The following CHD1 variants were observed in gnomAD, a reference collection of about 807,000 sequenced individuals.
The protein encoded by CHD1 is ATP-dependent chromatin remodeler CHD1.
Under a neutral mutation model 224.2 loss-of-function variants are expected in CHD1, and 36 were observed. The ratio of observed to expected loss-of-function variants is 0.16; its 90% CI spans 0.12 to 0.21. The LOEUF is 0.21. Among genes scored for constraint, CHD1 ranks in the 10% least tolerant of loss-of-function variants. The probability of loss-of-function intolerance (pLI) is 1.00; values close to 1 mark genes in which losing one functional copy is unlikely to be tolerated. For missense variants in CHD1, 1,378 were observed against 1,994.8 expected, an observed-to-expected ratio of 0.69 and a Z score of 5.89; for synonymous variants, 668 against 658.3, an observed-to-expected ratio of 1.01 and a Z score of -0.23.
intron 3 of CHD1, among the ~76,000 whole-genome samples, chr5:98,904,260 T>C (rs896258762): frequency 2.6e-5 from 4 of 152,126 alleles, no homozygotes; most frequent in Non-Finnish European, 1.5e-5. Context: ...ACTAGGCACA[T>C]TGTTTTAGCT....
Position 98,922,779 on chromosome 5 carries a change from A to C in CHD1, c.53+3555T>G, listed in dbSNP as rs556833002. On this transcript the variant is annotated intron_variant, in intron 2 of 35. Coordinates refer to ENST00000614616, the MANE Select transcript of CHD1 (RefSeq NM_001270.4). ...CAAGGCGGGCAGATCACCTGAGGTCAGGAGTTCGAGACCAGCCTGGCCAAC... is the reference window on the plus strand; with the variant it reads ...CAAGGCGGGCAGATCACCTGAGGTCCGGAGTTCGAGACCAGCCTGGCCAAC... 5.9e-5 allele frequency among the ~76,000 whole-genome samples: 9 copies of C among 152,290 alleles called. No homozygotes were observed. The South Asian group carries it at 1.9e-3, about 32-fold the overall frequency.
chr5:98,893,119 C>T (rs1303454536), intron 14 of CHD1, among the ~76,000 whole-genome samples: 1 of 152,090 alleles, frequency 6.6e-6, no homozygotes, highest in Non-Finnish European at 1.5e-5. Context: ...TGTTGTTACT[C>T]CTACTGTTAA....
chr5:98,881,045 T>G lies in CHD1; in HGVS notation c.3060+31A>C, dbSNP rs746617425. ...ATAACTCAATTCCTCTCAATTTATG[T>G]AATTACAAGGAAAATTTTGTTTAAA... is the stretch of plus-strand genomic sequence containing the variant. On this transcript the variant is annotated intron_variant, in intron 22 of 35. Coordinates refer to ENST00000614616, the MANE Select transcript of CHD1 (RefSeq NM_001270.4). 6 of 1,265,462 alleles carry G rather than the reference T, an allele frequency of 4.7e-6. No individual in the cohort carries two copies. In the Admixed American group the frequency reaches 1.1e-4, roughly 22 times the overall value. 78.4% of individuals were successfully genotyped at this position (1,265,462 alleles called of 1,614,324 possible).
chr5:98,917,299 C>CAAAAAAAAAAAAAAAAAAAAAAA lies in CHD1; in HGVS notation c.53+9034_53+9035insTTTTTTTTTTTTTTTTTTTTTTT, dbSNP rs70984334. On this transcript the variant is annotated intron_variant, in intron 2 of 35. Transcript: ENST00000614616. ...GCCCATCCCTCCAAAAACAAAGAAA[C>CAAAAAAAAAAAAAAAAAAAAAAA]AAAAAAAAAAAACAACCTCTTAATT... is the stretch of plus-strand genomic sequence containing the variant. 1.5e-3 allele frequency among the ~76,000 whole-genome samples: 180 copies of CAAAAAAAAAAAAAAAAAAAAAAA among 119,722 alleles called. 1 individual carries two copies. Among genetic ancestry groups the CAAAAAAAAAAAAAAAAAAAAAAA allele is most frequent in the South Asian group, 2.7e-3 (9 of 3,384 alleles). 78.5% of individuals were successfully genotyped at this position (119,722 alleles called of 152,430 possible).
intron 17 of CHD1, 33 bp from the exon 18 acceptor site, chr5:98,885,682 C>T (rs1310035460): frequency 8.6e-7 from 1 of 1,166,072 alleles, no homozygotes; most frequent in Non-Finnish European, 1.3e-6. Context: ...ACTGCATAAA[C>T]AGAATCAAAG....
At chr5:98,916,284 A>G (rs161956) in intron 2 of CHD1, among the ~76,000 whole-genome samples, 52,203 of 151,940 alleles carry the variant, frequency 0.34, 10,672 homozygotes, top group African/African-American at 0.56. Context: ...GGTGGCCCAC[A>G]CCTGTAATCC....
At chr5:98,894,742 T>C in intron 12 of CHD1, 56 bp from the exon 13 acceptor site, 1 of 711,090 alleles carries the variant, frequency 1.4e-6, no homozygotes, top group Non-Finnish European at 2.4e-6. Context: ...AATTATACTT[T>C]TACTTACATA....
Position 98,901,266 on chromosome 5 carries a change from CTCT to C in CHD1, c.504_506del (p.Glu169del), listed in dbSNP as rs757926006. On this transcript the variant is annotated inframe_deletion, in exon 6 of 36. Coordinates refer to ENST00000614616, the MANE Select transcript of CHD1 (RefSeq NM_001270.4). ...TTTCATCACAACTGCTTTTCTCTCT[CTCT>C]TCTTCAGATTCTGAATCTGAACCAG... is the stretch of plus-strand genomic sequence containing the variant. 6.2e-7 allele frequency: 1 copy of C among 1,613,922 alleles called. No individual in the cohort carries two copies. Among genetic ancestry groups the C allele is most frequent in the Admixed American group, 1.7e-5 (1 of 60,004 alleles).
In CHD1 at chr5:98,854,288, C is replaced by G. The variant is rs1432015462; in HGVS notation, c.*2092G>C. 1 of 151,998 alleles carries G rather than the reference C, an allele frequency of 6.6e-6. No individual in the cohort carries two copies. Among genetic ancestry groups the G allele is most frequent in the Admixed American group, 6.5e-5 (1 of 15,270 alleles). 9.4% of individuals were successfully genotyped at this position (151,998 alleles called of 1,614,324 possible). A position where few individuals can be genotyped will look rare whatever the true frequency, so the allele number is the denominator to read the frequency against. ...GACTGAAACTTTCAACTAAATGTAG[C>G]ACTATTTAAAAAATTAGAGCCTTAT... On this transcript the variant is annotated 3_prime_UTR_variant, in exon 36 of 36. Transcript: ENST00000614616.
In CHD1 at chr5:98,855,831, G is replaced by A. The variant is rs1747984020; in HGVS notation, c.*549C>T. The A allele has an allele frequency of 2.0e-5, 3 of 151,424 alleles. No individual in the cohort carries two copies. The highest frequency in any genetic ancestry group is 6.6e-5 in the Admixed American group (1 of 15,168). The allele number at this position is 151,424 out of a possible 1,614,324, so 9.4% of individuals were successfully genotyped here. A position where few individuals can be genotyped will look rare whatever the true frequency, so the allele number is the denominator to read the frequency against. On this transcript the variant is annotated 3_prime_UTR_variant, in exon 36 of 36. Transcript: ENST00000614616. ...AATAGATCACAAACAGGAAATTCCT[G>A]GCTATTTTACAGATATAAGTACAGA...
rs764986978 is a variant in CHD1, at chr5:98,858,343, C to A, written c.4624G>T (p.Asp1542Tyr). 13 of 1,612,966 alleles carry A rather than the reference C, an allele frequency of 8.1e-6. No individual in the cohort carries two copies. The highest frequency in any genetic ancestry group is 1.3e-5 in the African/African-American group (1 of 74,854). The change falls in exon 35 of 36, where the codon GAC (aspartate) becomes TAC (tyrosine). Residue 1542 changes from aspartate (D) to tyrosine (Y), a missense_variant. Transcript: ENST00000614616. ...AAGTGTCTATCAGAGGAATAACTGT[C>A]CCTGCTGCTATCATCGTGATTTGTA... ...ENTNHDDSSRDSYSSDRHLTQ... is the reference protein window; with the variant it reads ...ENTNHDDSSRYSYSSDRHLTQ...
intron 17 of CHD1, 118 bp from the exon 18 acceptor site, chr5:98,885,767 G>C (rs1750610167): frequency 3.1e-6 from 2 of 652,388 alleles, no homozygotes; most frequent in Non-Finnish European, 5.4e-6. Flanking sequence ...AACTATAATA[G>C]AAAGTACTTA....
intron 31 of CHD1, among the ~76,000 whole-genome samples, chr5:98,865,383 T>C (rs1391945996): frequency 3.9e-5 from 6 of 152,232 alleles, no homozygotes; most frequent in Non-Finnish European, 8.8e-5. Context: ...CACAGAAATA[T>C]AACGGTGTGA....
In CHD1 at chr5:98,896,074, G is replaced by T. The variant is rs1046917572; in HGVS notation, c.1710+152C>A. On this transcript the variant is annotated intron_variant, in intron 12 of 35. Transcript: ENST00000614616. ...TAAAAAATTAGCCAGGAGTGGTGGC[G>T]TGCTCCTGTGGTCCCAGTTGCAGTG... 24 of 625,914 alleles carry T rather than the reference G, an allele frequency of 3.8e-5. No individual in the cohort carries two copies. In the African/African-American group the frequency reaches 4.4e-4, roughly 12 times the overall value. 38.8% of individuals were successfully genotyped at this position (625,914 alleles called of 1,614,324 possible).
At chr5:98,909,864 A>G (rs1270964844) in intron 2 of CHD1, among the ~76,000 whole-genome samples, 7 of 152,066 alleles carry the variant, frequency 4.6e-5, no homozygotes, top group Non-Finnish European at 7.4e-5. Flanking sequence ...TCTTTTTCCA[A>G]CAGGAAACCC....
At chr5:98,918,762 A>C (rs900699364) in intron 2 of CHD1, among the ~76,000 whole-genome samples, 13 of 136,968 alleles carry the variant, frequency 9.5e-5, no homozygotes, top group Admixed American at 6.3e-4. Context: ...TCAAAAAAAA[A>C]AAAAAACAAA....
chr5:98,862,968 A>T (rs1748588109), intron 32 of CHD1, among the ~76,000 whole-genome samples: 1 of 152,056 alleles, frequency 6.6e-6, no homozygotes, highest in South Asian at 2.1e-4. Flanking sequence ...CATTACCTTT[A>T]TTTTCCTAAT....
At chr5:98,857,381 T>C (rs1251050483) in intron 35 of CHD1, among the ~76,000 whole-genome samples, 1 of 152,094 alleles carries the variant, frequency 6.6e-6, no homozygotes. Flanking sequence ...GTGAAATATA[T>C]ACTATAAATC....
chr5:98,856,583 G>A lies in CHD1; in HGVS notation c.4930C>T (p.Arg1644Trp), dbSNP rs146540815. Residue 1644 changes from arginine to tryptophan, a missense_variant, in exon 36 of 36, where the codon CGG (arginine) becomes TGG (tryptophan). Coordinates refer to ENST00000614616, the MANE Select transcript of CHD1 (RefSeq NM_001270.4). ...HSDHRLHSDHRSSSEYTHHKS... is the reference protein window; with the variant it reads ...HSDHRLHSDHWSSSEYTHHKS... ...TGGTGCGTATATTCAGAACTTGACC[G>A]GTGGTCTGAATGTAACCGATGATCT... 3.8e-5 allele frequency: 62 copies of A among 1,613,502 alleles called. No homozygotes were observed. The highest frequency in any genetic ancestry group is 1.2e-4 in the Admixed American group (7 of 59,954).
Sources: allele counts gnomAD v4.1 joint callset (sites outside exome capture counted in the v4.1 genomes callset), GRCh38; gene constraint gnomAD v4.1.1; transcripts MANE v1.5; gene names NCBI Gene and HGNC (gene_info 2026-07-23, HGNC 2026-07-21).